The following NR6A1 variants were observed in gnomAD, a reference collection of about 807,000 sequenced individuals.
NR6A1 encodes nuclear receptor subfamily 6 group A member 1.
NR6A1 carries 7 observed loss-of-function variants against 59.1 expected under a neutral mutation model. The ratio of observed to expected loss-of-function variants is 0.12; its 90% CI spans 0.07 to 0.22. The LOEUF is 0.22. Ranked by LOEUF, NR6A1 falls within the 10% of genes least tolerant of loss-of-function variation. The pLI is 1.00. For missense variants in NR6A1, 468 were observed against 611.6 expected, an observed-to-expected ratio of 0.77 and a Z score of 2.48; for synonymous variants, 243 against 236.1, an observed-to-expected ratio of 1.03 and a Z score of -0.27.
intron 2 of NR6A1, among the ~76,000 whole-genome samples, chr9:124,669,938 C>T (rs1423339256): frequency 1.3e-5 from 2 of 152,076 alleles, no homozygotes; most frequent in African/African-American, 4.8e-5. Flanking sequence ...CTAGTAGGCC[C>T]TCGATAAATA....
chr9:124,675,411 A>G (rs937056304), intron 2 of NR6A1, among the ~76,000 whole-genome samples: 6 of 152,224 alleles, frequency 3.9e-5, no homozygotes, highest in African/African-American at 4.8e-5. Flanking sequence ...AAGGTGTTCA[A>G]TAAGTGTTGA....
At chr9:124,596,040 G>C (rs1835261869) in intron 2 of NR6A1, among the ~76,000 whole-genome samples, 1 of 152,184 alleles carries the variant, frequency 6.6e-6, no homozygotes, top group Non-Finnish European at 1.5e-5. Context: ...ATACTGCCTA[G>C]CACGTCTTTC....
chr9:124,584,096 CTTT>C (rs557906470), intron 2 of NR6A1, among the ~76,000 whole-genome samples: 2 of 133,090 alleles, frequency 1.5e-5, no homozygotes, highest in Admixed American at 7.8e-5. Context: ...TTGCACTTGG[CTTT>C]TTTTTTTTTT....
At chr9:124,581,591 A>G (rs573775551) in intron 2 of NR6A1, among the ~76,000 whole-genome samples, 1 of 152,280 alleles carries the variant, frequency 6.6e-6, no homozygotes, top group Admixed American at 6.5e-5. Flanking sequence ...ACTCCGTCTC[A>G]AAAAACAAAC....
chr9:124,548,387 C>A (rs573430452), intron 3 of NR6A1, among the ~76,000 whole-genome samples: 2 of 152,194 alleles, frequency 1.3e-5, no homozygotes, highest in South Asian at 4.2e-4. Flanking sequence ...GAGACTGAGG[C>A]GGGAGGATTG....
At chr9:124,750,016 A>G (rs1840450267) in intron 1 of NR6A1, among the ~76,000 whole-genome samples, 1 of 152,206 alleles carries the variant, frequency 6.6e-6, no homozygotes, top group Non-Finnish European at 1.5e-5. Context: ...CACAGTGACC[A>G]TACTATTCAA....
chr9:124,755,178 A>T (rs201477332), intron 1 of NR6A1, among the ~76,000 whole-genome samples: 9 of 31,804 alleles, frequency 2.8e-4, no homozygotes, highest in Non-Finnish European at 5.6e-4. Flanking sequence ...ATTACCGTGG[A>T]AATATTTCAG....
chr9:124,549,842 A>G (rs1833716289), intron 3 of NR6A1, among the ~76,000 whole-genome samples: 1 of 152,214 alleles, frequency 6.6e-6, no homozygotes, highest in African/African-American at 2.4e-5. Flanking sequence ...ACTATTAACC[A>G]AAGTACATAC....
chr9:124,592,884 T>C (rs946988009), intron 2 of NR6A1, among the ~76,000 whole-genome samples: 3 of 152,152 alleles, frequency 2.0e-5, no homozygotes, highest in Non-Finnish European at 2.9e-5. Flanking sequence ...CATTACTCTT[T>C]CCAAATGCCA....
intron 2 of NR6A1, among the ~76,000 whole-genome samples, chr9:124,726,179 C>G (rs1839711808): frequency 6.6e-6 from 1 of 152,008 alleles, no homozygotes; most frequent in East Asian, 1.9e-4. Context: ...CATGTCAAAC[C>G]CTCACATCGT....
At chr9:124,630,670 CTTTTTTTTTTTTTT>C (rs71372980) in intron 2 of NR6A1, among the ~76,000 whole-genome samples, 1 of 59,504 alleles carries the variant, frequency 1.7e-5, no homozygotes, top group Non-Finnish European at 2.9e-5. Flanking sequence ...TACTACATTT[CTTTTTTTTTTTTTT>C]TTTTTTTTTT....
chr9:124,603,598 C>A (rs998764535), intron 2 of NR6A1, among the ~76,000 whole-genome samples: 1 of 152,072 alleles, frequency 6.6e-6, no homozygotes, highest in Non-Finnish European at 1.5e-5. Flanking sequence ...CTGTTGCTGA[C>A]GATCTTTTGA....
At chr9:124,552,325 T>G (rs1157868564) in intron 3 of NR6A1, among the ~76,000 whole-genome samples, 1 of 152,066 alleles carries the variant, frequency 6.6e-6, no homozygotes, top group Non-Finnish European at 1.5e-5. Flanking sequence ...GGAAAAGATT[T>G]CAATAAGAGG....
At chr9:124,661,602 G>A (rs1002550920) in intron 2 of NR6A1, among the ~76,000 whole-genome samples, 2 of 152,144 alleles carry the variant, frequency 1.3e-5, no homozygotes, top group Non-Finnish European at 2.9e-5. Context: ...ATGATAATAC[G>A]GTGTGAAGCT....
At position 124,771,041 on chromosome 9, in the gene NR6A1, G is replaced by A; in HGVS notation, c.79C>T (p.Leu27Phe). 1.6e-6 allele frequency: 2 copies of A among 1,230,410 alleles called. No homozygotes were observed. Among genetic ancestry groups the A allele is most frequent in the Non-Finnish European group, 2.0e-6 (2 of 987,018 alleles). The allele number at this position is 1,230,410 out of a possible 1,614,324, so 76.2% of individuals were successfully genotyped here. A position where few individuals can be genotyped will look rare whatever the true frequency, so the allele number is the denominator to read the frequency against. Residue 27 changes from leucine (L) to phenylalanine (F), a missense_variant, in exon 1 of 10, where the codon CTC becomes TTC. Leu to Phe is a conservative substitution (Grantham distance 22). This residue lies in a region of NR6A1 where 75 missense variants were observed against 65.6 expected (regional missense o/e 1.14). Coordinates refer to ENST00000487099, the MANE Select transcript of NR6A1 (RefSeq NM_033334.4). ...SAGFLEPPAALPPPPRNGFCQ... is the reference protein window; with the variant it reads ...SAGFLEPPAAFPPPPRNGFCQ... The stretch of plus-strand genomic sequence containing the variant: ...CCACCGTTGCGCGGCGGCGGAGGGA[G>A]CGCGGCGGGAGGCTCCAGGAACCCC...
intron 2 of NR6A1, among the ~76,000 whole-genome samples, chr9:124,676,999 C>G (rs1031008569): frequency 6.6e-6 from 1 of 152,114 alleles, no homozygotes; most frequent in African/African-American, 2.4e-5. Flanking sequence ...GCGTTTGTCC[C>G]TTTCAACAAC....
chr9:124,534,317 C>A (rs987801119), intron 7 of NR6A1, among the ~76,000 whole-genome samples: 1 of 152,194 alleles, frequency 6.6e-6, no homozygotes, highest in Non-Finnish European at 1.5e-5. Flanking sequence ...AGGTGATCCA[C>A]CTGCCTCGGC....
chr9:124,638,927 T>C (rs1160538482), intron 2 of NR6A1, among the ~76,000 whole-genome samples: 1 of 152,238 alleles, frequency 6.6e-6, no homozygotes, highest in African/African-American at 2.4e-5. Flanking sequence ...ATGAATATAG[T>C]ATAATCCTTG....
chr9:124,526,991 AG>A, intron 7 of NR6A1, 91 bp from the exon 8 acceptor site: 1 of 1,498,378 alleles, frequency 6.7e-7, no homozygotes, highest in Non-Finnish European at 9.2e-7. Flanking sequence ...CTCCTTAAAC[AG>A]GCTGAGCTTG....
Sources: gnomAD v4.1 joint callset for allele counts (sites outside exome capture counted in the v4.1 genomes callset) on GRCh38, gnomAD v4.1.1 for gene constraint, gnomAD v4.1.1 regional missense constraint, MANE v1.5 for transcripts, NCBI Gene and HGNC (gene_info 2026-07-23, HGNC 2026-07-21) for gene names.